Variants in PREX2 observed in about 807,000 individuals in gnomAD.
PREX2 encodes phosphatidylinositol 3,4,5-trisphosphate-dependent Rac exchanger 2 protein.
A neutral mutation model predicts 203.2 loss-of-function variants in PREX2; 107 were observed. The ratio of observed to expected loss-of-function variants is 0.53; its 90% confidence interval spans 0.45 to 0.62. The LOEUF is 0.62. Among genes scored for constraint, PREX2 ranks in the 20% least tolerant of loss-of-function variants. PREX2 has a pLI of 0.00. For synonymous variants in PREX2, 672 were observed against 663.6 expected (o/e 1.01, Z -0.19); for missense variants, 1,777 against 1,955.9 (o/e 0.91, Z 1.72).
chr8:68,145,832 A>G (rs1249540159), intron 33 of PREX2, among the ~76,000 whole-genome samples: 1 of 152,096 alleles, frequency 6.6e-6, no homozygotes, highest in Non-Finnish European at 1.5e-5. Context: ...CTTGCACACT[A>G]CTTAAGAAGT....
intron 32 of PREX2, 121 bp downstream of exon 32, chr8:68,134,397 AGC>A: frequency 1.4e-6 from 1 of 722,398 alleles, no homozygotes; most frequent in Non-Finnish European, 2.3e-6. Context: ...GCGTGCATTC[AGC>A]TACTTTAAAA....
intron 35 of PREX2, among the ~76,000 whole-genome samples, chr8:68,171,354 T>TA (rs1340257649): frequency 2.0e-5 from 3 of 152,146 alleles, no homozygotes; most frequent in Non-Finnish European, 4.4e-5. Flanking sequence ...GCTACACAAA[T>TA]ACTAATCTGA....
At chr8:68,052,483 A>C (rs1183454476) in intron 8 of PREX2, among the ~76,000 whole-genome samples, 2 of 152,214 alleles carry the variant, frequency 1.3e-5, no homozygotes, top group African/African-American at 4.8e-5. Flanking sequence ...TTTTTTTATA[A>C]GTTTCTATTT....
intron 1 of PREX2, among the ~76,000 whole-genome samples, chr8:67,995,459 G>T (rs1384725506): frequency 6.6e-6 from 1 of 152,156 alleles, no homozygotes; most frequent in Non-Finnish European, 1.5e-5. Flanking sequence ...CAGAGAGACA[G>T]AATTAGTTCA....
chr8:68,075,262 G>T (rs1809313215), intron 14 of PREX2, among the ~76,000 whole-genome samples: 1 of 152,192 alleles, frequency 6.6e-6, no homozygotes, highest in Non-Finnish European at 1.5e-5. Flanking sequence ...AGTCTGGCCA[G>T]TGTTTCATTT....
chr8:68,209,306 T>G (rs1180506868), intron 37 of PREX2, among the ~76,000 whole-genome samples: 2 of 152,190 alleles, frequency 1.3e-5, no homozygotes, highest in Non-Finnish European at 2.9e-5. Flanking sequence ...ATTAGATTAC[T>G]AATAACTTGT....
intron 34 of PREX2, 29 bp downstream of exon 34, chr8:68,146,381 ATACTTTAATTATT>A: frequency 1.3e-6 from 2 of 1,553,860 alleles, no homozygotes; most frequent in Non-Finnish European, 1.7e-6. Flanking sequence ...GATGGCTGCT[ATACTTTAATTATT>A]TTATCTTTAT....
At chr8:68,223,252 C>G (rs1812991884) in intron 38 of PREX2, 1 of 152,186 alleles carries the variant, frequency 6.6e-6, no homozygotes, top group Non-Finnish European at 1.5e-5. Flanking sequence ...CTGTATTTTC[C>G]TCTAACTGTA....
At chr8:68,064,036 CAT>C (rs1242423307) in intron 11 of PREX2, among the ~76,000 whole-genome samples, 2 of 152,120 alleles carry the variant, frequency 1.3e-5, no homozygotes, top group African/African-American at 4.8e-5. Context: ...AGAACTTCAC[CAT>C]CAGCAAAGCC....
intron 5 of PREX2, among the ~76,000 whole-genome samples, chr8:68,028,157 T>C (rs1307434888): frequency 6.6e-6 from 1 of 151,958 alleles, no homozygotes; most frequent in Non-Finnish European, 1.5e-5. Flanking sequence ...ATTATGATGA[T>C]GATGAATTTA....
At chr8:68,081,196 T>C (rs112119795) in intron 17 of PREX2, among the ~76,000 whole-genome samples, 4 of 152,072 alleles carry the variant, frequency 2.6e-5, no homozygotes, top group African/African-American at 9.7e-5. Flanking sequence ...CATCAGGCAT[T>C]AGAGTGTCAT....
chr8:68,189,636 T>C (rs529082244), intron 35 of PREX2, among the ~76,000 whole-genome samples: 5 of 152,338 alleles, frequency 3.3e-5, no homozygotes, highest in African/African-American at 1.2e-4. Flanking sequence ...GTTAGAACTG[T>C]ATTTCATGGC....
intron 35 of PREX2, among the ~76,000 whole-genome samples, chr8:68,185,317 CAG>C (rs1271476957): frequency 6.6e-6 from 1 of 152,100 alleles, no homozygotes; most frequent in Non-Finnish European, 1.5e-5. Context: ...CCTACTTAGC[CAG>C]CCTTCTCTCT....
intron 19 of PREX2, among the ~76,000 whole-genome samples, chr8:68,089,961 C>T (rs1809818920): frequency 6.6e-6 from 1 of 152,112 alleles, no homozygotes; most frequent in South Asian, 2.1e-4. Flanking sequence ...ATATTTAAAT[C>T]TATATCAATG....
At chr8:68,081,725 C>G (rs547820641) in intron 17 of PREX2, among the ~76,000 whole-genome samples, 11 of 152,148 alleles carry the variant, frequency 7.2e-5, no homozygotes, top group African/African-American at 2.2e-4. Context: ...GACAAAGTCT[C>G]CCTCTGTTGC....
At chr8:67,958,199 G>A (rs1805540031) in intron 1 of PREX2, among the ~76,000 whole-genome samples, 1 of 152,178 alleles carries the variant, frequency 6.6e-6, no homozygotes, top group Admixed American at 6.5e-5. Flanking sequence ...TAGGTGCTGG[G>A]TCATCACAAT....
chr8:67,999,962 T>C (rs139290812), intron 1 of PREX2, among the ~76,000 whole-genome samples: 2,241 of 152,240 alleles, frequency 0.015, 60 homozygotes, highest in African/African-American at 0.052. Context: ...TGAAGGAACA[T>C]GCCTCAAAAT....
chr8:68,182,608 G>GTA (rs1443855511), intron 35 of PREX2, among the ~76,000 whole-genome samples: 12 of 151,966 alleles, frequency 7.9e-5, no homozygotes, highest in South Asian at 6.2e-4. Flanking sequence ...TAGATTTTAT[G>GTA]TATATATATA....
intron 35 of PREX2, among the ~76,000 whole-genome samples, chr8:68,158,304 A>G (rs1379877334): frequency 6.6e-6 from 1 of 152,036 alleles, no homozygotes; most frequent in African/African-American, 2.4e-5. Context: ...TAAATCAAAA[A>G]TACTATTTTG....
Sources: gnomAD v4.1 joint callset for allele counts (sites outside exome capture counted in the v4.1 genomes callset) on GRCh38, gnomAD v4.1.1 for gene constraint, MANE v1.5 for transcripts, NCBI Gene and HGNC (gene_info 2026-07-23, HGNC 2026-07-21) for gene names.